The following STXBP5L variants were observed in gnomAD, a reference collection of about 807,000 sequenced individuals.
The protein encoded by STXBP5L is syntaxin binding protein 5L.
STXBP5L carries 65 observed loss-of-function variants against 144.5 expected under a neutral mutation model. The ratio of observed to expected loss-of-function variants is 0.45; its 90% CI spans 0.37 to 0.55. The LOEUF is 0.55. STXBP5L is among the 20% of genes least tolerant of loss of function. The pLI is 0.00. For synonymous variants in STXBP5L, 505 were observed against 469.6 expected (o/e 1.08, Z -0.97); for missense variants, 1,298 against 1,405.5 (o/e 0.92, Z 1.22).
rs918131636 is a variant in STXBP5L, at chr3:121,075,719, T to C, written c.470+30184T>C. On this transcript the variant is annotated intron_variant, in intron 5 of 26. Transcript: ENST00000471454. ...GAGACCTTTCTGATATTGGCCTTTT[T>C]CCCTGCAGGCTTTATTCCATTTAGG... 6.6e-5 allele frequency among the ~76,000 whole-genome samples: 10 copies of C among 152,332 alleles called. No homozygotes were observed. In the East Asian group the frequency reaches 1.4e-3, roughly 21 times the overall value.
intron 20 of STXBP5L, among the ~76,000 whole-genome samples, chr3:121,377,083 C>A (rs1253751773): frequency 6.6e-6 from 1 of 152,094 alleles, no homozygotes; most frequent in Non-Finnish European, 1.5e-5. Flanking sequence ...GATTTTGTAT[C>A]CTGAGACTTT....
At chr3:121,363,218 C>T (rs957574207) in intron 20 of STXBP5L, among the ~76,000 whole-genome samples, 1 of 152,068 alleles carries the variant, frequency 6.6e-6, no homozygotes, top group Non-Finnish European at 1.5e-5. Flanking sequence ...AGAGGTGATA[C>T]CAGCAGTCCC....
intron 19 of STXBP5L, among the ~76,000 whole-genome samples, chr3:121,315,051 T>C (rs2043732963): frequency 1.3e-5 from 2 of 152,166 alleles, no homozygotes; most frequent in African/African-American, 4.8e-5. Context: ...TGTAAACTAG[T>C]TCAACCATTG....
chr3:121,248,482 G>A (rs551330686), intron 14 of STXBP5L, among the ~76,000 whole-genome samples: 1 of 152,196 alleles, frequency 6.6e-6, no homozygotes, highest in East Asian at 1.9e-4. Flanking sequence ...ACTTTTTAAT[G>A]GGATTATCTG....
intron 7 of STXBP5L, among the ~76,000 whole-genome samples, chr3:121,137,398 T>A (rs778598834): frequency 2.6e-5 from 4 of 152,160 alleles, no homozygotes; most frequent in Non-Finnish European, 5.9e-5. Context: ...CAGACTCTTA[T>A]GAACAATTTT....
chr3:121,021,496 A>G (rs913042148), intron 3 of STXBP5L, among the ~76,000 whole-genome samples: 19 of 152,192 alleles, frequency 1.2e-4, no homozygotes, highest in Non-Finnish European at 2.5e-4. Context: ...AACATTCTCC[A>G]AGAAAGACCA....
At chr3:121,023,481 C>T (rs1945707394) in intron 3 of STXBP5L, among the ~76,000 whole-genome samples, 1 of 152,126 alleles carries the variant, frequency 6.6e-6, no homozygotes, top group African/African-American at 2.4e-5. Flanking sequence ...ATCACATTAT[C>T]CCATTGCAAA....
In STXBP5L at chr3:121,249,809, T is replaced by C. The variant is rs151234339; in HGVS notation, c.1401-914T>C. Among the ~76,000 whole-genome samples the C allele has an allele frequency of 1.3e-4, 20 of 152,222 alleles. No homozygotes were observed. In the East Asian group the frequency reaches 3.9e-3, roughly 29 times the overall value. ...ATGCAATCTTTCATTATTATGTATG[T>C]TAGGAGATATCTGTAGGTTGTTCCT... On this transcript the variant is annotated intron_variant, in intron 14 of 26. Coordinates refer to ENST00000471454, the MANE Select transcript of STXBP5L (RefSeq NM_001308330.2).
In STXBP5L at chr3:121,000,890, C is replaced by G. The variant is rs180941045; in HGVS notation, c.288-40810C>G. On this transcript the variant is annotated intron_variant, in intron 3 of 26. Transcript: ENST00000471454. ...ATGATTTCAGGAGGCCATGGCTCAA[C>G]TCAGCACTCTTGGGCTGTGCACTTT... Among the ~76,000 whole-genome samples the G allele has an allele frequency of 8.5e-5, 13 of 152,300 alleles. No individual in the cohort carries two copies. The East Asian group carries it at 2.3e-3, about 27-fold the overall frequency.
intron 15 of STXBP5L, 62 bp downstream of exon 15, chr3:121,250,825 C>G: frequency 7.0e-7 from 1 of 1,429,040 alleles, no homozygotes; most frequent in Non-Finnish European, 9.6e-7. Context: ...TAGCCAGCTA[C>G]CACTTTTTAG....
At chr3:121,292,547 C>A (rs1357464214) in intron 19 of STXBP5L, among the ~76,000 whole-genome samples, 1 of 152,002 alleles carries the variant, frequency 6.6e-6, no homozygotes, top group Non-Finnish European at 1.5e-5. Context: ...GGGTATCTAC[C>A]CAGAGGAAAA....
chr3:121,142,937 T>A (rs1158855436), intron 7 of STXBP5L, among the ~76,000 whole-genome samples: 1 of 151,836 alleles, frequency 6.6e-6, no homozygotes, highest in African/African-American at 2.4e-5. Flanking sequence ...TGAGAGTTAT[T>A]ATTTGAAAAG....
At chr3:121,235,862 C>T (rs2049463967) in intron 12 of STXBP5L, among the ~76,000 whole-genome samples, 1 of 151,648 alleles carries the variant, frequency 6.6e-6, no homozygotes, top group African/African-American at 2.4e-5. Flanking sequence ...CACACACACA[C>T]ACTATATTCT....
intron 5 of STXBP5L, among the ~76,000 whole-genome samples, chr3:121,046,138 T>C (rs1947502348): frequency 6.6e-6 from 1 of 152,182 alleles, no homozygotes; most frequent in Admixed American, 6.6e-5. Flanking sequence ...GTTTTTGTTT[T>C]CAGTTCTGTT....
intron 20 of STXBP5L, among the ~76,000 whole-genome samples, chr3:121,349,627 G>A (rs1423737254): frequency 6.6e-6 from 1 of 152,094 alleles, no homozygotes; most frequent in Non-Finnish European, 1.5e-5. Context: ...CTTGCTTTAT[G>A]AATCTGGGTA....
At chr3:121,023,983 C>T (rs1385040622) in intron 3 of STXBP5L, among the ~76,000 whole-genome samples, 3 of 152,078 alleles carry the variant, frequency 2.0e-5, no homozygotes, top group Admixed American at 6.6e-5. Flanking sequence ...TGGTCTCGAT[C>T]TCCTGACCTT....
At chr3:121,052,806 G>T (rs1370677042) in intron 5 of STXBP5L, among the ~76,000 whole-genome samples, 2 of 152,132 alleles carry the variant, frequency 1.3e-5, no homozygotes, top group African/African-American at 4.8e-5. Flanking sequence ...AAGTCAAATT[G>T]TCCCTGTTTG....
At chr3:121,269,332 G>T (rs1333462629) in intron 18 of STXBP5L, among the ~76,000 whole-genome samples, 2 of 152,018 alleles carry the variant, frequency 1.3e-5, no homozygotes, top group African/African-American at 2.4e-5. Context: ...ATATCAAGGG[G>T]CAACTGTTAA....
At chr3:121,148,944 A>T (rs1343639676) in intron 7 of STXBP5L, among the ~76,000 whole-genome samples, 1 of 152,146 alleles carries the variant, frequency 6.6e-6, no homozygotes, top group African/African-American at 2.4e-5. Flanking sequence ...TATAATAGAA[A>T]TAGAAGCAAG....
Sources: gnomAD v4.1 joint callset for allele counts (sites outside exome capture counted in the v4.1 genomes callset) on GRCh38, gnomAD v4.1.1 for gene constraint, MANE v1.5 for transcripts, NCBI Gene and HGNC (gene_info 2026-07-23, HGNC 2026-07-21) for gene names.